Variants in TANC2 observed in about 807,000 individuals in gnomAD.
The protein encoded by TANC2 is protein TANC2.
A neutral mutation model predicts 210.5 loss-of-function variants in TANC2; 26 were observed. The ratio of observed to expected loss-of-function variants is 0.12; its 90% confidence interval spans 0.09 to 0.17. TANC2 has a LOEUF of 0.17. Among genes scored for constraint, TANC2 ranks in the 10% least tolerant of loss-of-function variants. The pLI is 1.00. For missense variants in TANC2, 2,129 were observed against 2,608.9 expected, an observed-to-expected ratio of 0.82 and a Z score of 4.01; for synonymous variants, 931 against 967.1, an observed-to-expected ratio of 0.96 and a Z score of 0.69.
At chr17:63,048,318 A>G (rs2035455474) in intron 2 of TANC2, among the ~76,000 whole-genome samples, 1 of 152,164 alleles carries the variant, frequency 6.6e-6, no homozygotes, top group East Asian at 1.9e-4. Context: ...CTCCAGTTTG[A>G]GAACACCTTA....
chr17:63,155,389 A>C (rs184890275), intron 5 of TANC2, among the ~76,000 whole-genome samples: 1 of 152,244 alleles, frequency 6.6e-6, no homozygotes, highest in Non-Finnish European at 1.5e-5. Flanking sequence ...TAAAATTTCT[A>C]CAATGAACTT....
At chr17:63,234,930 AT>A (rs2042579167) in intron 7 of TANC2, among the ~76,000 whole-genome samples, 1 of 152,162 alleles carries the variant, frequency 6.6e-6, no homozygotes, top group Non-Finnish European at 1.5e-5. Context: ...GAGTTACTGT[AT>A]CTCATGGTAC....
At chr17:63,124,829 G>T (rs141124746) in intron 4 of TANC2, among the ~76,000 whole-genome samples, 245 of 152,250 alleles carry the variant, frequency 1.6e-3, no homozygotes, top group Middle Eastern at 0.01. Context: ...ATTATGAAAT[G>T]CACATCTGAG....
At chr17:63,293,351 T>C (rs2044438191) in intron 9 of TANC2, among the ~76,000 whole-genome samples, 1 of 152,198 alleles carries the variant, frequency 6.6e-6, no homozygotes, top group Non-Finnish European at 1.5e-5. Flanking sequence ...ATGTAGAGAA[T>C]AGCATGCATG....
chr17:63,279,974 G>A (rs2044011150), intron 9 of TANC2, among the ~76,000 whole-genome samples: 1 of 152,064 alleles, frequency 6.6e-6, no homozygotes, highest in African/African-American at 2.4e-5. Context: ...GTGGCAAAGG[G>A]ATTCTGTGAA....
At chr17:63,378,095 A>T (rs2047483098) in intron 14 of TANC2, among the ~76,000 whole-genome samples, 1 of 152,188 alleles carries the variant, frequency 6.6e-6, no homozygotes, top group Admixed American at 6.5e-5. Context: ...GTCAAAGCAT[A>T]TCAGCCATAG....
At chr17:63,340,331 A>G in exon 12 of TANC2, 1 of 1,613,536 alleles carries the variant, frequency 6.2e-7, no homozygotes. Flanking sequence ...ATCTCCATAA[A>G]GGTACAGATA....
Position 63,421,896 on chromosome 17 carries a change from C to G in TANC2, c.6166C>G (p.Arg2056Gly), listed in dbSNP as rs765636470. 2 of 1,613,980 alleles carry G rather than the reference C, an allele frequency of 1.2e-6. No homozygotes were observed. Among genetic ancestry groups the G allele is most frequent in the Non-Finnish European group, 1.7e-6 (2 of 1,179,854 alleles). Residue 2056 changes from arginine (R) to glycine (G), a missense_variant, in exon 28 of 28, where the codon CGG becomes GGG. This residue lies in a region of TANC2 where 161 missense variants were observed against 178.6 expected (regional missense o/e 0.90). Transcript: ENST00000689528. This position sits in a 1 kb window ranked among gnomAD's most constrained non-coding sequence, Gnocchi z 6.9. ...GTACAGGCAGCTGTCCCGAGACTCT[C>G]GGCAAGGGCAGACATCCCCTATCAA... is the stretch of plus-strand genomic sequence containing the variant.
intron 5 of TANC2, among the ~76,000 whole-genome samples, chr17:63,165,030 C>G (rs1253779737): frequency 6.6e-6 from 1 of 152,132 alleles, no homozygotes; most frequent in Non-Finnish European, 1.5e-5. Flanking sequence ...ACCTGTAATT[C>G]CAACACTTTG....
At chr17:63,107,886 A>G (rs1446013510) in intron 4 of TANC2, among the ~76,000 whole-genome samples, 1 of 151,748 alleles carries the variant, frequency 6.6e-6, no homozygotes, top group Non-Finnish European at 1.5e-5. Context: ...AAAATGTTCT[A>G]AACTTAGATT....
chr17:63,119,593 A>G (rs1286684701), intron 4 of TANC2, among the ~76,000 whole-genome samples: 1 of 152,320 alleles, frequency 6.6e-6, no homozygotes, highest in East Asian at 1.9e-4. Context: ...GGAATTTTAA[A>G]TTTTATGTAT....
intron 7 of TANC2, among the ~76,000 whole-genome samples, chr17:63,231,927 C>T (rs1364568711): frequency 6.6e-6 from 1 of 152,178 alleles, no homozygotes; most frequent in Non-Finnish European, 1.5e-5. Context: ...TACATAATCC[C>T]ATAGTTCCTG....
intron 7 of TANC2, among the ~76,000 whole-genome samples, chr17:63,212,000 G>A (rs1388686325): frequency 1.3e-5 from 2 of 152,114 alleles, no homozygotes; most frequent in Non-Finnish European, 2.9e-5. Flanking sequence ...ATCTACGTTA[G>A]GTATTTCTCC....
intron 2 of TANC2, among the ~76,000 whole-genome samples, chr17:63,064,870 T>C (rs1458584602): frequency 6.6e-6 from 1 of 152,150 alleles, no homozygotes; most frequent in Admixed American, 6.5e-5. Context: ...TCAAACTTTT[T>C]TTTTTTTGCT....
chr17:62,982,509 C>T (rs923772161), intron 1 of TANC2, among the ~76,000 whole-genome samples: 1 of 152,156 alleles, frequency 6.6e-6, no homozygotes, highest in Non-Finnish European at 1.5e-5. Flanking sequence ...CAATTTACCT[C>T]AACCATTCAC....
At chr17:62,980,888 A>G (rs2032264644) in intron 1 of TANC2, among the ~76,000 whole-genome samples, 1 of 152,018 alleles carries the variant, frequency 6.6e-6, no homozygotes, top group South Asian at 2.1e-4. Flanking sequence ...TCCTTTTCCA[A>G]CTAGCTGAGT....
intron 5 of TANC2, among the ~76,000 whole-genome samples, chr17:63,158,180 C>CT (rs920914714): frequency 1.3e-5 from 2 of 152,064 alleles, no homozygotes; most frequent in Non-Finnish European, 2.9e-5. Context: ...GGCTGTGCTA[C>CT]TTTATTAGCT....
At chr17:63,063,698 G>GTA (rs1416654846) in intron 2 of TANC2, among the ~76,000 whole-genome samples, 2 of 151,412 alleles carry the variant, frequency 1.3e-5, no homozygotes, top group Admixed American at 1.3e-4. Flanking sequence ...GTGTGTGTGT[G>GTA]TAGAGATATA....
chr17:63,189,369 T>G (rs1412830501), intron 5 of TANC2, among the ~76,000 whole-genome samples: 1 of 152,220 alleles, frequency 6.6e-6, no homozygotes, highest in East Asian at 1.9e-4. Flanking sequence ...TGCACAATTT[T>G]ACATTGCTAC....
Sources: gnomAD v4.1 joint callset for allele counts (sites outside exome capture counted in the v4.1 genomes callset) on GRCh38, gnomAD v4.1.1 for gene constraint, gnomAD v4.1.1 regional missense constraint, Gnocchi (gnomAD v3.1) non-coding constraint, MANE v1.5 for transcripts, NCBI Gene and HGNC (gene_info 2026-07-23, HGNC 2026-07-21) for gene names.